TUBAL3: variants seen among roughly 807,000 people sequenced by gnomAD.
The protein encoded by TUBAL3 is tubulin alpha like 3.
Under a neutral mutation model 15.5 loss-of-function variants are expected in TUBAL3, and 16 were observed. That is an observed-to-expected ratio of 1.04 (90% CI 0.70 to 1.57). The LOEUF (loss-of-function observed/expected upper bound fraction) is 1.57, where lower values mean the gene tolerates loss of function less well. TUBAL3 is among the 40% of genes most tolerant of loss of function. The probability of loss-of-function intolerance (pLI) is 0.00; values close to 1 mark genes in which losing one functional copy is unlikely to be tolerated. For missense variants in TUBAL3, 609 were observed against 576.2 expected, an observed-to-expected ratio of 1.06 and a Z score of -0.58; for synonymous variants, 238 against 224.3, an observed-to-expected ratio of 1.06 and a Z score of -0.55.
chr10:5,393,612 G>A lies in TUBAL3; in HGVS notation c.1246C>T (p.Leu416Phe). 1 of 1,614,182 alleles carries A rather than the reference G, an allele frequency of 6.2e-7. No individual in the cohort carries two copies. Among genetic ancestry groups the A allele is most frequent in the Non-Finnish European group, 8.5e-7 (1 of 1,180,048 alleles). Residue 416 changes from leucine (L) to phenylalanine (F), a missense_variant, in exon 4 of 4, where the codon CTC becomes TTC. Leu to Phe is a conservative substitution (Grantham distance 22). Coordinates refer to ENST00000380419, the MANE Select transcript of TUBAL3 (RefSeq NM_024803.3). Reference sequence around the variant, plus strand: ...TCTGCTTCTTCCATGCCTTCTCTGAGGTACCAGTGCAGAAATGCTCTCTTG... The same window carrying A: ...TCTGCTTCTTCCATGCCTTCTCTGAAGTACCAGTGCAGAAATGCTCTCTTG... ...YAKRAFLHWY[L>F]REGMEEAEFL...
chr10:5,393,444 C>G lies in TUBAL3; in HGVS notation c.*73G>C. ...TTCTGCTCATCAGGGGAACTACCCACTAGGCATATAACGGCTTGAAAAGAA... is the reference window on the plus strand; with the variant it reads ...TTCTGCTCATCAGGGGAACTACCCAGTAGGCATATAACGGCTTGAAAAGAA... On this transcript the variant is annotated 3_prime_UTR_variant, in exon 4 of 4. Coordinates refer to ENST00000380419, the MANE Select transcript of TUBAL3 (RefSeq NM_024803.3). 5 of 1,358,170 alleles carry G rather than the reference C, an allele frequency of 3.7e-6. No individual in the cohort carries two copies. The highest frequency in any genetic ancestry group is 5.0e-6 in the Non-Finnish European group (5 of 996,728). 84.1% of individuals were successfully genotyped at this position (1,358,170 alleles called of 1,614,324 possible).
Position 5,394,520 on chromosome 10 carries a change from G to C in TUBAL3, c.397-59C>G. 1 of 1,482,734 alleles carries C rather than the reference G, an allele frequency of 6.7e-7. No homozygotes were observed. Among genetic ancestry groups the C allele is most frequent in the Non-Finnish European group, 9.1e-7 (1 of 1,101,822 alleles). The allele number at this position is 1,482,734 out of a possible 1,614,324, so 91.8% of individuals were successfully genotyped here. A position where few individuals can be genotyped will look rare whatever the true frequency, so the allele number is the denominator to read the frequency against. The stretch of plus-strand genomic sequence containing the variant: ...TGAATAAATCCAGAAGCAGTGAATT[G>C]GACAGTAGTGGCAGGATACAACAGG... On this transcript the variant is annotated intron_variant, in intron 3 of 3. Transcript: ENST00000380419. The surrounding 1 kb of genome is among the most constrained non-coding windows in gnomAD (Gnocchi z 4.3).
At position 5,394,016 on chromosome 10, in the gene TUBAL3, G is replaced by A. The variant is rs782428043; in HGVS notation, c.842C>T (p.Pro281Leu). 6.2e-7 allele frequency: 1 copy of A among 1,614,182 alleles called. No homozygotes were observed. The highest frequency in any genetic ancestry group is 8.5e-7 in the Non-Finnish European group (1 of 1,180,030). Residue 281 changes from proline (P) to leucine (L), a missense_variant, in exon 4 of 4, where the codon CCC becomes CTC. Coordinates refer to ENST00000380419, the MANE Select transcript of TUBAL3 (RefSeq NM_024803.3). The surrounding 1 kb of genome is among the most constrained non-coding windows in gnomAD (Gnocchi z 4.3). ...GTAGGCTTTGTCAGCAGAGACGATGGGGGCGAAGGCTGTCATGGGGAAATG... is the reference window on the plus strand; with the variant it reads ...GTAGGCTTTGTCAGCAGAGACGATGAGGGCGAAGGCTGTCATGGGGAAATG... ...RIHFPMTAFA[P>L]IVSADKAYHE...
intron 1 of TUBAL3, among the ~76,000 whole-genome samples, chr10:5,402,188 C>T (rs1338403405): frequency 2.0e-5 from 3 of 152,154 alleles, no homozygotes; most frequent in Non-Finnish European, 4.4e-5. Flanking sequence ...ACTATTTCTT[C>T]CACCTTCATA....
In TUBAL3 at chr10:5,393,576, C is replaced by T. The variant is rs782587034; in HGVS notation, c.1282G>A (p.Ala428Thr). ...TCCAGGGCTGCCAGATCTTCCCTGG[C>T]CTCCAAGAACTCTGCTTCTTCCATG... ...EGMEEAEFLE[A>T]REDLAALERD... Residue 428 changes from alanine (A) to threonine (T), a missense_variant, in exon 4 of 4, where the codon GCC becomes ACC. By Grantham distance (58) the Ala-to-Thr change is moderately conservative (BLOSUM62 0). Coordinates refer to ENST00000380419, the MANE Select transcript of TUBAL3 (RefSeq NM_024803.3). The T allele has an allele frequency of 1.9e-5, 31 of 1,613,932 alleles. No individual in the cohort carries two copies. Among genetic ancestry groups the T allele is most frequent in the Non-Finnish European group, 2.6e-5 (31 of 1,179,962 alleles).
intron 2 of TUBAL3, among the ~76,000 whole-genome samples, 196 bp downstream of exon 2, chr10:5,400,648 C>A (rs373121764): frequency 3.9e-5 from 6 of 152,170 alleles, no homozygotes; most frequent in Middle Eastern, 3.4e-3. Flanking sequence ...AATTTAAATT[C>A]AAAAACACTA....
At chr10:5,401,130 A>G (rs1380325703) in intron 1 of TUBAL3, 43 bp from the exon 2 acceptor site, 2 of 1,605,812 alleles carry the variant, frequency 1.2e-6, no homozygotes, top group African/African-American at 1.3e-5. Context: ...AGGTGTTTAG[A>G]AAACAGGAGA....
In TUBAL3 at chr10:5,396,323, C is replaced by T. The variant is rs1554814160; in HGVS notation, c.248-848G>A. On this transcript the variant is annotated intron_variant, in intron 2 of 3. Transcript: ENST00000380419. This position sits in a 1 kb window ranked among gnomAD's most constrained non-coding sequence, Gnocchi z 5.1. ...AGGAGCTTGAGACCAGCCTGGCCAACATGGTGAAACCCTGTCTCTACTAAA... is the reference window on the plus strand; with the variant it reads ...AGGAGCTTGAGACCAGCCTGGCCAATATGGTGAAACCCTGTCTCTACTAAA... Among the ~76,000 whole-genome samples, 1 of 152,066 alleles carries T rather than the reference C, an allele frequency of 6.6e-6. No homozygotes were observed. The highest frequency in any genetic ancestry group is 2.4e-5 in the African/African-American group (1 of 41,382).
At chr10:5,401,953 G>A (rs1316355121) in intron 1 of TUBAL3, among the ~76,000 whole-genome samples, 1 of 151,888 alleles carries the variant, frequency 6.6e-6, no homozygotes, top group Non-Finnish European at 1.5e-5. Flanking sequence ...TCAACACAAT[G>A]ACATGTTATG....
rs1421368285 is a variant in TUBAL3 at position 5,397,299 on chromosome 10, T to C, written c.248-1824A>G. Among the ~76,000 whole-genome samples the C allele has an allele frequency of 1.3e-5, 2 of 152,188 alleles. No homozygotes were observed. Among genetic ancestry groups the C allele is most frequent in the Non-Finnish European group, 2.9e-5 (2 of 68,030 alleles). On this transcript the variant is annotated intron_variant, in intron 2 of 3. Coordinates refer to ENST00000380419, the MANE Select transcript of TUBAL3 (RefSeq NM_024803.3). This position sits in a 1 kb window ranked among gnomAD's most constrained non-coding sequence, Gnocchi z 4.9. ...TCAAATAATATTTATTGAAATTGAG[T>C]TTAAATAACTTTTAACTAGCTTACA...
rs571652751 is a variant in TUBAL3 at position 5,400,235 on chromosome 10, T to C, written c.247+609A>G. On this transcript the variant is annotated intron_variant, in intron 2 of 3. Transcript: ENST00000380419. ...ACTTTTTGATTCTTTGCCAGTGCCTTCTAGCAAATGGCTCTCAAACCCAGG... is the reference window on the plus strand; with the variant it reads ...ACTTTTTGATTCTTTGCCAGTGCCTCCTAGCAAATGGCTCTCAAACCCAGG... Among the ~76,000 whole-genome samples the C allele has an allele frequency of 4.6e-5, 7 of 152,346 alleles. No homozygotes were observed. In the South Asian group the frequency reaches 8.3e-4, roughly 18 times the overall value.
chr10:5,399,801 G>A (rs1306230843), intron 2 of TUBAL3, among the ~76,000 whole-genome samples: 2 of 152,162 alleles, frequency 1.3e-5, no homozygotes, highest in African/African-American at 4.8e-5. Context: ...CAAAGTGGAT[G>A]CCCCAGTTCC....
chr10:5,400,591 A>C (rs140403561), intron 2 of TUBAL3, among the ~76,000 whole-genome samples: 2,242 of 152,332 alleles, frequency 0.015, 27 homozygotes, highest in Non-Finnish European at 0.025. Context: ...AGATCACGCT[A>C]CTGCACTCCT....
intron 1 of TUBAL3, among the ~76,000 whole-genome samples, chr10:5,403,879 A>G (rs1360343028): frequency 1.3e-5 from 2 of 152,236 alleles, no homozygotes; most frequent in East Asian, 3.8e-4. Context: ...AATTACTAGA[A>G]AAGCATAACT....
chr10:5,403,696 A>C (rs1831891264), intron 1 of TUBAL3, among the ~76,000 whole-genome samples: 2 of 151,976 alleles, frequency 1.3e-5, no homozygotes, highest in African/African-American at 4.8e-5. Context: ...AACTCTGTCC[A>C]AGGGTGTAGA....
chr10:5,393,162 G>A lies in TUBAL3; in HGVS notation c.*355C>T, dbSNP rs782357332. On this transcript the variant is annotated 3_prime_UTR_variant, in exon 4 of 4. Transcript: ENST00000380419. ...TGTAGACATGGGGGAAAAAACATTCGTAATCAACATGTGCTGTTTTCTACT... is the reference window on the plus strand; with the variant it reads ...TGTAGACATGGGGGAAAAAACATTCATAATCAACATGTGCTGTTTTCTACT... 5.7e-5 allele frequency: 11 copies of A among 192,846 alleles called. No homozygotes were observed. The highest frequency in any genetic ancestry group is 1.6e-4 in the African/African-American group (7 of 43,002). 11.9% of individuals were successfully genotyped at this position (192,846 alleles called of 1,614,324 possible).
Position 5,394,429 on chromosome 10 carries a change from CA to C in TUBAL3, c.428del (p.Leu143Ter), listed in dbSNP as rs781977850. The C allele has an allele frequency of 1.2e-6, 2 of 1,610,548 alleles. No homozygotes were observed. The highest frequency in any genetic ancestry group is 2.7e-5 in the African/African-American group (2 of 74,676). ...AEQCGGLQGF[L>X]IFRSFGGGTG... Reference sequence around the variant, plus strand: ...TGCCTCCTCCAAAGCTTCGGAAAATCAAAAATCCCTGAAGTCCACCACACTG... The same window carrying C: ...TGCCTCCTCCAAAGCTTCGGAAAATCAAAATCCCTGAAGTCCACCACACTG... On this transcript the variant is annotated frameshift_variant, in exon 4 of 4. Coordinates refer to ENST00000380419, the MANE Select transcript of TUBAL3 (RefSeq NM_024803.3). LOFTEE classifies it low-confidence loss of function (END_TRUNC). This position sits in a 1 kb window ranked among gnomAD's most constrained non-coding sequence, Gnocchi z 4.3.
Position 5,394,314 on chromosome 10 carries a change from G to C in TUBAL3, c.544C>G (p.Pro182Ala). The C allele has an allele frequency of 6.2e-7, 1 of 1,614,110 alleles. No homozygotes were observed. The highest frequency in any genetic ancestry group is 8.5e-7 in the Non-Finnish European group (1 of 1,180,016). ...TKLEFSVYPA[P>A]RISTAVVEPY... ...TCTACCACAGCAGTGGAGATCCTGG[G>C]GGCTGGGTAGACCGAGAACTCCAGC... The change falls in exon 4 of 4, where the codon CCC (proline) becomes GCC (alanine). Residue 182 changes from proline (P) to alanine (A), a missense_variant. Transcript: ENST00000380419. The surrounding 1 kb of genome is among the most constrained non-coding windows in gnomAD (Gnocchi z 4.3).
chr10:5,398,081 G>A (rs1197390025), intron 2 of TUBAL3, among the ~76,000 whole-genome samples: 1 of 152,182 alleles, frequency 6.6e-6, no homozygotes, highest in African/African-American at 2.4e-5. Flanking sequence ...GAGGTCAGGA[G>A]TTTGAAACTA....
Sources: gnomAD v4.1 joint callset for allele counts (sites outside exome capture counted in the v4.1 genomes callset) on GRCh38, gnomAD v4.1.1 for gene constraint, Gnocchi (gnomAD v3.1) non-coding constraint, MANE v1.5 for transcripts, NCBI Gene and HGNC (gene_info 2026-07-23, HGNC 2026-07-21) for gene names.